ACTN1: variants seen among roughly 807,000 people sequenced by gnomAD.
The protein encoded by ACTN1 is alpha-actinin-1.
In ACTN1, 30 loss-of-function variants were observed where a neutral mutation model predicts 119.6. The observed-to-expected ratio is 0.25, with a 90% CI of 0.19 to 0.34. ACTN1 has a LOEUF of 0.34. Among genes scored for constraint, ACTN1 ranks in the 10% least tolerant of loss-of-function variants. ACTN1 has a pLI of 1.00. For missense variants in ACTN1, 764 were observed against 1,223.4 expected, an observed-to-expected ratio of 0.62 and a Z score of 5.60; for synonymous variants, 429 against 472.6, an observed-to-expected ratio of 0.91 and a Z score of 1.20.
chr14:68,964,090 T>C (rs976734222), intron 1 of ACTN1, among the ~76,000 whole-genome samples: 1 of 152,192 alleles, frequency 6.6e-6, no homozygotes, highest in African/African-American at 2.4e-5. Context: ...ATAAAGGTTA[T>C]GCTGACCCAT....
intron 1 of ACTN1, among the ~76,000 whole-genome samples, chr14:68,953,440 C>T (rs1453988976): frequency 6.6e-6 from 1 of 152,210 alleles, no homozygotes; most frequent in South Asian, 2.1e-4. Context: ...ATCTCCCCAG[C>T]AAAGACACAT....
chr14:68,897,686 C>T (rs2140197971), intron 8 of ACTN1, among the ~76,000 whole-genome samples: 1 of 152,302 alleles, frequency 6.6e-6, no homozygotes, highest in East Asian at 1.9e-4. Context: ...TTTTCTTCTT[C>T]CCACAGCTGT....
intron 1 of ACTN1, among the ~76,000 whole-genome samples, chr14:68,949,520 C>A (rs1056095290): frequency 6.6e-6 from 1 of 152,238 alleles, no homozygotes; most frequent in Admixed American, 6.5e-5. Context: ...CCTCTGCTGA[C>A]CTGTCAACAC....
At chr14:68,912,268 C>T in intron 3 of ACTN1, 26 bp from the exon 4 acceptor site, 1 of 1,593,178 alleles carries the variant, frequency 6.3e-7, no homozygotes, top group Non-Finnish European at 8.6e-7. Flanking sequence ...CAGCACACAT[C>T]AGAAAGGGCC....
chr14:68,881,936 C>CTT (rs781067137), intron 16 of ACTN1, among the ~76,000 whole-genome samples: 5 of 58,396 alleles, frequency 8.6e-5, no homozygotes, highest in Non-Finnish European at 1.5e-4. Flanking sequence ...TAGGCAGCTT[C>CTT]TTTTTTTTTT....
At chr14:68,930,604 A>G (rs578014057) in intron 1 of ACTN1, among the ~76,000 whole-genome samples, 42 of 152,342 alleles carry the variant, frequency 2.8e-4, no homozygotes, top group Non-Finnish European at 5.6e-4. Context: ...GCAGAAAAGT[A>G]TCCATGGGAA....
chr14:68,961,279 TAAA>T, intron 1 of ACTN1, among the ~76,000 whole-genome samples: 1 of 152,044 alleles, frequency 6.6e-6, no homozygotes, highest in Non-Finnish European at 1.5e-5. Flanking sequence ...AGTGGGGAAA[TAAA>T]AAAGCAGAGC....
At chr14:68,961,465 G>A (rs1238199794) in intron 1 of ACTN1, among the ~76,000 whole-genome samples, 2 of 152,190 alleles carry the variant, frequency 1.3e-5, no homozygotes, top group African/African-American at 2.4e-5. Context: ...AGGCCCATGT[G>A]GGTGAAGCAA....
chr14:68,895,416 G>A (rs931955756), intron 8 of ACTN1, among the ~76,000 whole-genome samples: 1 of 152,188 alleles, frequency 6.6e-6, no homozygotes, highest in Non-Finnish European at 1.5e-5. Flanking sequence ...GCCTGTCTAG[G>A]AGACCTGGAG....
intron 1 of ACTN1, chr14:68,978,347 C>G (rs997851756): frequency 7.8e-6 from 3 of 385,540 alleles, no homozygotes; most frequent in African/African-American, 2.1e-5. Flanking sequence ...CGGGGGAGCC[C>G]GCGTACGCCC....
chr14:68,944,891 T>C (rs1001676151), intron 1 of ACTN1, among the ~76,000 whole-genome samples: 1 of 144,868 alleles, frequency 6.9e-6, no homozygotes, highest in Admixed American at 6.7e-5. Flanking sequence ...GGTCACCCTA[T>C]GCGTGTGTGG....
In ACTN1 at chr14:68,919,243, A is replaced by T. The variant is rs2034506811; in HGVS notation, c.340+1763T>A. Among the ~76,000 whole-genome samples the T allele has an allele frequency of 4.6e-5, 7 of 152,314 alleles. No homozygotes were observed. In the South Asian group the frequency reaches 1.4e-3, roughly 32 times the overall value. On this transcript the variant is annotated intron_variant, in intron 3 of 21. Coordinates refer to ENST00000394419, the MANE Select transcript of ACTN1 (RefSeq NM_001130004.2). The stretch of plus-strand genomic sequence containing the variant: ...CACACAGCAGCAACTTCTTACATCC[A>T]CAAGGTGCCCATCCCGCTTAGGACA...
At chr14:68,888,192 A>G (rs953726786) in intron 11 of ACTN1, 1 of 461,362 alleles carries the variant, frequency 2.2e-6, no homozygotes, top group Non-Finnish European at 4.0e-6. Flanking sequence ...CCCAGGATAG[A>G]TTCTTTAGAC....
rs115716181 is a variant in ACTN1, at chr14:68,942,906, C to T, written c.106-17234G>A. Among the ~76,000 whole-genome samples the T allele has an allele frequency of 6.6e-3, 1,006 of 152,222 alleles. 9 individuals carry two copies. The highest frequency in any genetic ancestry group is 0.023 in the African/African-American group (943 of 41,522). On this transcript the variant is annotated intron_variant, in intron 1 of 21. Coordinates refer to ENST00000394419, the MANE Select transcript of ACTN1 (RefSeq NM_001130004.2). ...CAGGAGATTGTAGGATAAAATGTGA[C>T]GGACACACAGAGGCCTTGCATGGCC...
chr14:68,970,785 A>G, intron 1 of ACTN1, among the ~76,000 whole-genome samples: 1 of 152,232 alleles, frequency 6.6e-6, no homozygotes, highest in East Asian at 1.9e-4. Flanking sequence ...TTTAAAACCA[A>G]GAAAAGTACC....
Position 68,925,104 on chromosome 14 carries a change from A to C in ACTN1, c.220+454T>G, listed in dbSNP as rs2034853459. Among the ~76,000 whole-genome samples, 2 of 152,186 alleles carry C rather than the reference A, an allele frequency of 1.3e-5. No homozygotes were observed. The highest frequency in any genetic ancestry group is 4.1e-4 in the South Asian group (2 of 4,822). On this transcript the variant is annotated intron_variant, in intron 2 of 21. Transcript: ENST00000394419. The surrounding 1 kb of genome is among the most constrained non-coding windows in gnomAD (Gnocchi z 4.3). Reference sequence around the variant, plus strand: ...CACCCCTTAAGGGATGGTGGCAGAAAGGCATTCATAAGCAGGATGAGATGT... The same window carrying C: ...CACCCCTTAAGGGATGGTGGCAGAACGGCATTCATAAGCAGGATGAGATGT...
chr14:68,951,299 G>A (rs553269003), intron 1 of ACTN1, among the ~76,000 whole-genome samples: 11 of 152,266 alleles, frequency 7.2e-5, no homozygotes, highest in African/African-American at 2.4e-4. Context: ...AATCCCAGGG[G>A]CCCAGCCTTT....
chr14:68,888,482 G>T (rs1448496358), intron 11 of ACTN1, among the ~76,000 whole-genome samples: 1 of 152,122 alleles, frequency 6.6e-6, no homozygotes, highest in Non-Finnish European at 1.5e-5. Context: ...CAGTGGATGT[G>T]GGGGCAGCAA....
chr14:68,979,184 T>G lies in ACTN1; in HGVS notation c.-128A>C. Reference sequence around the variant, plus strand: ...GCTGGCGGGGCCGGGCTCGCTCCCCTGCGCCCGGTTCCGCCGCGGCGCTGC... The same window carrying G: ...GCTGGCGGGGCCGGGCTCGCTCCCCGGCGCCCGGTTCCGCCGCGGCGCTGC... On this transcript the variant is annotated 5_prime_UTR_variant, in exon 1 of 22. Transcript: ENST00000394419. 3.4e-5 allele frequency: 17 copies of G among 502,610 alleles called. No individual in the cohort carries two copies. The highest frequency in any genetic ancestry group is 3.4e-4 in the Middle Eastern group (1 of 2,930). The allele number at this position is 502,610 out of a possible 1,614,324, so 31.1% of individuals were successfully genotyped here. A position where few individuals can be genotyped will look rare whatever the true frequency, so the allele number is the denominator to read the frequency against.
Sources: gnomAD v4.1 joint callset for allele counts (sites outside exome capture counted in the v4.1 genomes callset) on GRCh38, gnomAD v4.1.1 for gene constraint, Gnocchi (gnomAD v3.1) non-coding constraint, MANE v1.5 for transcripts, NCBI Gene and HGNC (gene_info 2026-07-23, HGNC 2026-07-21) for gene names.